The following QTMAN variants were observed in gnomAD, a reference collection of about 807,000 sequenced individuals.
The protein encoded by QTMAN is tRNA-queuosine alpha-mannosyltransferase.
the QTMAN span, chr2:144,208,771 A>T: frequency 6.2e-7 from 1 of 1,611,182 alleles, no homozygotes. Flanking sequence ...TTCAATGATG[A>T]GGATACTCAT....
At chr2:144,218,243 G>T in the QTMAN span, among the ~76,000 whole-genome samples, 1 of 152,124 alleles carries the variant, frequency 6.6e-6, no homozygotes, top group Admixed American at 6.5e-5. Flanking sequence ...AATATAATAG[G>T]TGGCATCTAA....
At chr2:144,059,165 G>A in the QTMAN span, among the ~76,000 whole-genome samples, 1 of 152,136 alleles carries the variant, frequency 6.6e-6, no homozygotes, top group Non-Finnish European at 1.5e-5. Context: ...TAGCTTTGCA[G>A]AACTACTTGT....
chr2:144,288,365 C>T, the QTMAN span, among the ~76,000 whole-genome samples: 1 of 152,108 alleles, frequency 6.6e-6, no homozygotes, highest in East Asian at 1.9e-4. Context: ...CAAGTAAAGG[C>T]TTAAAAATAT....
chr2:144,120,455 T>C, the QTMAN span, among the ~76,000 whole-genome samples: 1 of 152,230 alleles, frequency 6.6e-6, no homozygotes, highest in African/African-American at 2.4e-5. Flanking sequence ...TAGAGGTTAA[T>C]TCCTCATCTT....
At chr2:144,180,980 T>G in the QTMAN span, among the ~76,000 whole-genome samples, 5 of 152,214 alleles carry the variant, frequency 3.3e-5, no homozygotes, top group Non-Finnish European at 5.9e-5. Flanking sequence ...TAATACTGAT[T>G]TAATAACCAT....
chr2:143,991,715 G>T, the QTMAN span, among the ~76,000 whole-genome samples: 5 of 135,926 alleles, frequency 3.7e-5, no homozygotes, highest in Admixed American at 3.6e-4. Flanking sequence ...CCGGCCAGTC[G>T]CCCCGTCCGG....
chr2:144,274,572 C>T, the QTMAN span, among the ~76,000 whole-genome samples: 2 of 152,138 alleles, frequency 1.3e-5, no homozygotes, highest in African/African-American at 4.8e-5. Flanking sequence ...CCATAAAAAC[C>T]CCAAAGGGGT....
At chr2:144,085,300 A>C in the QTMAN span, among the ~76,000 whole-genome samples, 1 of 152,200 alleles carries the variant, frequency 6.6e-6, no homozygotes, top group Non-Finnish European at 1.5e-5. Context: ...CATGCACTAA[A>C]AGTCAGTTTT....
At chr2:144,221,942 T>A in the QTMAN span, among the ~76,000 whole-genome samples, 1 of 152,222 alleles carries the variant, frequency 6.6e-6, no homozygotes. Flanking sequence ...GATCAAAGTC[T>A]CTACTTACAT....
the QTMAN span, among the ~76,000 whole-genome samples, chr2:144,028,070 C>G: frequency 6.6e-6 from 1 of 152,076 alleles, no homozygotes; most frequent in South Asian, 2.1e-4. Flanking sequence ...ATAAATAGCA[C>G]TTATCCTTCC....
At chr2:143,970,912 T>TG in the QTMAN span, 1 of 617,800 alleles carries the variant, frequency 1.6e-6, no homozygotes, top group Admixed American at 2.9e-5. Flanking sequence ...TCCTATAACT[T>TG]CACACTATAG....
chr2:144,089,563 T>C, the QTMAN span, among the ~76,000 whole-genome samples: 1 of 152,032 alleles, frequency 6.6e-6, no homozygotes, highest in Admixed American at 6.6e-5. Context: ...AAGAGATGAA[T>C]ATATAAAGAA....
At chr2:144,024,599 C>A in the QTMAN span, among the ~76,000 whole-genome samples, 2 of 152,120 alleles carry the variant, frequency 1.3e-5, no homozygotes, top group African/African-American at 2.4e-5. Context: ...GCTCTTCATT[C>A]CTGATCTACA....
chr2:144,098,608 G>A, the QTMAN span, among the ~76,000 whole-genome samples: 129 of 151,784 alleles, frequency 8.5e-4, no homozygotes, highest in African/African-American at 2.9e-3. Flanking sequence ...CCAGCTACTC[G>A]GGAGGCTGAG....
chr2:144,153,713 A>C, the QTMAN span, among the ~76,000 whole-genome samples: 2 of 152,270 alleles, frequency 1.3e-5, no homozygotes, highest in East Asian at 1.9e-4. Flanking sequence ...AACAAAAACA[A>C]AAACAAAACA....
chr2:144,019,469 T>TGTGTGTGTGTGTGC, the QTMAN span, among the ~76,000 whole-genome samples: 8 of 150,234 alleles, frequency 5.3e-5, 1 homozygote, highest in East Asian at 1.4e-3. Context: ...TGTGTGTGTG[T>TGTGTGTGTGTGTGC]GTGTGTGTGT....
chr2:144,208,683 A>T, the QTMAN span: 6 of 1,613,918 alleles, frequency 3.7e-6, no homozygotes, highest in Non-Finnish European at 4.2e-6. Context: ...TCTTTGCAGG[A>T]AGGGTATAAA....
At chr2:144,102,494 T>C in the QTMAN span, among the ~76,000 whole-genome samples, 1 of 152,336 alleles carries the variant, frequency 6.6e-6, no homozygotes, top group South Asian at 2.1e-4. Flanking sequence ...CTCAAGTGAC[T>C]GTTCCAGGTC....
At chr2:144,170,458 T>C in the QTMAN span, among the ~76,000 whole-genome samples, 4 of 152,136 alleles carry the variant, frequency 2.6e-5, no homozygotes, top group East Asian at 1.9e-4. Flanking sequence ...AGATGGATGA[T>C]GCAAAGGGAG....
Sources: gnomAD v4.1 joint callset for allele counts (sites outside exome capture counted in the v4.1 genomes callset) on GRCh38, gnomAD v4.1.1 for gene constraint, MANE v1.5 for transcripts, NCBI Gene and HGNC (gene_info 2026-07-23, HGNC 2026-07-21) for gene names.